JAKMIP1: variants seen among roughly 807,000 people sequenced by gnomAD.
JAKMIP1 encodes janus kinase and microtubule interacting protein 1.
A neutral mutation model predicts 113.0 loss-of-function variants in JAKMIP1; 33 were observed. That is an observed-to-expected ratio of 0.29 (90% CI 0.22 to 0.39). The LOEUF is 0.39. Among genes scored for constraint, JAKMIP1 ranks in the 10% least tolerant of loss-of-function variants. The pLI is 1.00. For synonymous variants in JAKMIP1, 480 were observed against 459.9 expected, an observed-to-expected ratio of 1.04 and a Z score of -0.56; for missense variants, 813 against 1,080.5, an observed-to-expected ratio of 0.75 and a Z score of 3.47.
At position 6,081,630 on chromosome 4, in the gene JAKMIP1, G is replaced by T; in HGVS notation, c.1080C>A (p.Leu360=). 1 of 1,614,152 alleles carries T rather than the reference G, an allele frequency of 6.2e-7. No homozygotes were observed. Among genetic ancestry groups the T allele is most frequent in the Non-Finnish European group, 8.5e-7 (1 of 1,180,028 alleles). ...IQRMEEKIKN[L]TRENVEMKEK... The stretch of plus-strand genomic sequence containing the variant: ...TCACCATTTCCACGTTTTCCCGCGT[G>T]AGGTTCTTGATTTTCTCCTCCATCC... Residue 360 remains leucine, a synonymous_variant, in exon 6 of 21, where the codon CTC becomes CTA. Coordinates refer to ENST00000409021, the MANE Select transcript of JAKMIP1 (RefSeq NM_001099433.2). This position sits in a 1 kb window ranked among gnomAD's most constrained non-coding sequence, Gnocchi z 4.6.
intron 20 of JAKMIP1, among the ~76,000 whole-genome samples, chr4:6,027,080 A>T (rs1346938760): frequency 1.3e-5 from 2 of 152,088 alleles, no homozygotes; most frequent in Admixed American, 6.5e-5. Context: ...AGAGAAAAAA[A>T]AAATCAGGGA....
rs974076826 is a variant in JAKMIP1, at chr4:6,143,819, T to C, written c.-147-30822A>G. ...AAATAGAGAAGAAAAAAGAACAATT[T>C]CTGGTCATCAGGGAATAACAGAAGG... On this transcript the variant is annotated intron_variant, in intron 1 of 20. Coordinates refer to ENST00000409021, the MANE Select transcript of JAKMIP1 (RefSeq NM_001099433.2). This position sits in a 1 kb window ranked among gnomAD's most constrained non-coding sequence, Gnocchi z 4.9. Among the ~76,000 whole-genome samples the C allele has an allele frequency of 1.3e-5, 2 of 152,210 alleles. No individual in the cohort carries two copies. The highest frequency in any genetic ancestry group is 2.9e-5 in the Non-Finnish European group (2 of 68,044).
intron 3 of JAKMIP1, among the ~76,000 whole-genome samples, chr4:6,098,505 GGAAA>G (rs1441735356): frequency 7.9e-6 from 1 of 125,910 alleles, no homozygotes; most frequent in Admixed American, 9.2e-5. Flanking sequence ...AGAAAAGAAA[GGAAA>G]GGAAGGAAGG....
In JAKMIP1 at chr4:6,067,392, G is replaced by A. The variant is rs1237078582; in HGVS notation, c.1303-2384C>T. 2.0e-5 allele frequency among the ~76,000 whole-genome samples: 3 copies of A among 152,116 alleles called. No homozygotes were observed. The highest frequency in any genetic ancestry group is 7.2e-5 in the African/African-American group (3 of 41,388). On this transcript the variant is annotated intron_variant, in intron 8 of 20. Transcript: ENST00000409021. The surrounding 1 kb of genome is among the most constrained non-coding windows in gnomAD (Gnocchi z 4.6). ...CATTGGCAGGTACGTGAAGACTATGGGCACCATCAACTTCAATGTCATTTC... is the reference window on the plus strand; with the variant it reads ...CATTGGCAGGTACGTGAAGACTATGAGCACCATCAACTTCAATGTCATTTC...
chr4:6,081,013 A>ACACACACACACC lies in JAKMIP1; in HGVS notation c.1101+595_1101+596insGGTGTGTGTGTG, dbSNP rs1454749071. The stretch of plus-strand genomic sequence containing the variant: ...CACACACACACACACACACACACAC[A>ACACACACACACC]CCTGCATCTGCTACAGTGCAGACAG... On this transcript the variant is annotated intron_variant, in intron 6 of 20. Transcript: ENST00000409021. The surrounding 1 kb of genome is among the most constrained non-coding windows in gnomAD (Gnocchi z 4.6). Among the ~76,000 whole-genome samples the ACACACACACACC allele has an allele frequency of 6.6e-6, 1 of 151,154 alleles. No individual in the cohort carries two copies. Among genetic ancestry groups the ACACACACACACC allele is most frequent in the South Asian group, 2.1e-4 (1 of 4,740 alleles).
chr4:6,098,923 A>C lies in JAKMIP1; in HGVS notation c.624+6550T>G, dbSNP rs548888427. Among the ~76,000 whole-genome samples the C allele has an allele frequency of 3.3e-5, 5 of 152,336 alleles. 1 individual carries two copies. The East Asian group carries it at 9.6e-4, about 29-fold the overall frequency. On this transcript the variant is annotated intron_variant, in intron 3 of 20. Transcript: ENST00000409021. ...TTAAACTTCATGTGAGTAAAATCATATAGTATGTAGCTTTTGTGCTCATCT... is the reference window on the plus strand; with the variant it reads ...TTAAACTTCATGTGAGTAAAATCATCTAGTATGTAGCTTTTGTGCTCATCT...
chr4:6,084,800 T>C lies in JAKMIP1; in HGVS notation c.954+46A>G, dbSNP rs529979579. 7.4e-5 allele frequency: 116 copies of C among 1,558,540 alleles called. No homozygotes were observed. In the South Asian group the frequency reaches 1.3e-3, roughly 18 times the overall value. The stretch of plus-strand genomic sequence containing the variant: ...GCATGTTTCAGGGACTCAGGGCCCC[T>C]TCCTTGCACCCTATGAGGCACCGCC... On this transcript the variant is annotated intron_variant, in intron 5 of 20. Coordinates refer to ENST00000409021, the MANE Select transcript of JAKMIP1 (RefSeq NM_001099433.2).
Position 6,154,887 on chromosome 4 carries a change from A to G in JAKMIP1, c.-147-41890T>C, listed in dbSNP as rs1722040457. ...CTATTCATCCATCGCCTCCCACAGG[A>G]AGCCCCCTGAGACCCTCTCACTCCA... is the stretch of plus-strand genomic sequence containing the variant. On this transcript the variant is annotated intron_variant, in intron 1 of 20. Transcript: ENST00000409021. This position sits in a 1 kb window ranked among gnomAD's most constrained non-coding sequence, Gnocchi z 4.2. Among the ~76,000 whole-genome samples the G allele has an allele frequency of 6.6e-6, 1 of 152,050 alleles. No homozygotes were observed. Among genetic ancestry groups the G allele is most frequent in the Non-Finnish European group, 1.5e-5 (1 of 68,000 alleles).
chr4:6,107,449 G>A (rs1714141362), intron 2 of JAKMIP1, among the ~76,000 whole-genome samples: 1 of 152,202 alleles, frequency 6.6e-6, no homozygotes, highest in African/African-American at 2.4e-5. Context: ...CACCAGTCCA[G>A]ATGTGGCTGT....
At position 6,105,618 on chromosome 4, in the gene JAKMIP1, G is replaced by C. The variant is rs751619319; in HGVS notation, c.479C>G (p.Ala160Gly). ...RLQQEILELK[A>G]ARKQAEEALS... The stretch of plus-strand genomic sequence containing the variant: ...CGCCTCCTCTGCCTGCTTGCGCGCT[G>C]CCTTGAGCTCCAGGATCTCCTGCTG... Residue 160 changes from alanine to glycine, a missense_variant, in exon 3 of 21, where the codon GCA becomes GGA. This residue lies in a region of JAKMIP1 where 540 missense variants were observed against 653.9 expected (regional missense o/e 0.83). Coordinates refer to ENST00000409021, the MANE Select transcript of JAKMIP1 (RefSeq NM_001099433.2). The C allele has an allele frequency of 6.3e-7, 1 of 1,595,130 alleles. No individual in the cohort carries two copies. The highest frequency in any genetic ancestry group is 8.5e-7 in the Non-Finnish European group (1 of 1,171,406).
chr4:6,079,085 G>A (rs1472833782), intron 7 of JAKMIP1, 87 bp from the exon 8 acceptor site: 3 of 1,401,792 alleles, frequency 2.1e-6, no homozygotes, highest in Non-Finnish European at 3.0e-6. Context: ...AGCTGGGCCT[G>A]CCCATCCGCA....
intron 10 of JAKMIP1, among the ~76,000 whole-genome samples, chr4:6,060,826 C>T (rs970897179): frequency 2.6e-5 from 4 of 152,258 alleles, no homozygotes; most frequent in African/African-American, 7.2e-5. Context: ...GCCAGCCACA[C>T]TGGGGGCCCA....
intron 3 of JAKMIP1, among the ~76,000 whole-genome samples, chr4:6,101,732 C>CAAAAAAAAA (rs56084278): frequency 3.4e-4 from 33 of 96,566 alleles, no homozygotes; most frequent in African/African-American, 1.2e-3. Flanking sequence ...ACTAAAAATA[C>CAAAAAAAAA]AAAAAAAAAA....
At chr4:6,125,130 G>C (rs535260288) in intron 1 of JAKMIP1, among the ~76,000 whole-genome samples, 70 of 152,268 alleles carry the variant, frequency 4.6e-4, no homozygotes, top group African/African-American at 1.6e-3. Context: ...TCAGGGAGGG[G>C]GATGTGTGCG....
intron 1 of JAKMIP1, among the ~76,000 whole-genome samples, chr4:6,189,184 G>A (rs1323704404): frequency 1.3e-5 from 2 of 152,244 alleles, no homozygotes; most frequent in African/African-American, 4.8e-5. Flanking sequence ...GGGACCACAG[G>A]AATGCAGTTT....
At chr4:6,126,173 C>T (rs981488036) in intron 1 of JAKMIP1, among the ~76,000 whole-genome samples, 13 of 140,706 alleles carry the variant, frequency 9.2e-5, no homozygotes, top group Middle Eastern at 4.8e-3. Flanking sequence ...CACATGCAAA[C>T]GCACACCATG....
At position 6,150,315 on chromosome 4, in the gene JAKMIP1, G is replaced by A. The variant is rs190889497; in HGVS notation, c.-147-37318C>T. On this transcript the variant is annotated intron_variant, in intron 1 of 20. Coordinates refer to ENST00000409021, the MANE Select transcript of JAKMIP1 (RefSeq NM_001099433.2). The surrounding 1 kb of genome is among the most constrained non-coding windows in gnomAD (Gnocchi z 4.8). ...CCACCCAACCTCCCAGTACAGAGAAGGAGAAACACCTCAGAGAAAGCAAGC... is the reference window on the plus strand; with the variant it reads ...CCACCCAACCTCCCAGTACAGAGAAAGAGAAACACCTCAGAGAAAGCAAGC... 6.6e-6 allele frequency: 1 copy of A among 152,244 alleles called. No individual in the cohort carries two copies. Among genetic ancestry groups the A allele is most frequent in the Non-Finnish European group, 1.5e-5 (1 of 68,112 alleles). The allele number at this position is 152,244 out of a possible 1,614,324, so 9.4% of individuals were successfully genotyped here.
At chr4:6,100,078 T>C (rs751878759) in intron 3 of JAKMIP1, among the ~76,000 whole-genome samples, 1 of 152,230 alleles carries the variant, frequency 6.6e-6, no homozygotes, top group Non-Finnish European at 1.5e-5. Context: ...TCAATCCTAT[T>C]TAAATTTCCA....
intron 8 of JAKMIP1, among the ~76,000 whole-genome samples, chr4:6,074,541 G>A (rs1004367876): frequency 2.0e-5 from 3 of 152,218 alleles, no homozygotes; most frequent in African/African-American, 4.8e-5. Context: ...TAGTCATCCT[G>A]CGGTACCCAT....
Sources: allele counts gnomAD v4.1 joint callset (sites outside exome capture counted in the v4.1 genomes callset), GRCh38; gene constraint gnomAD v4.1.1; regional missense constraint gnomAD v4.1.1; non-coding constraint Gnocchi (gnomAD v3.1); transcripts MANE v1.5; gene names NCBI Gene and HGNC (gene_info 2026-07-23, HGNC 2026-07-21).